The following AMBN variants were observed in gnomAD, a reference collection of about 807,000 sequenced individuals.
AMBN encodes the protein ameloblastin.
Under a neutral mutation model 48.0 loss-of-function variants are expected in AMBN, and 54 were observed. The ratio of observed to expected loss-of-function variants is 1.12; its 90% CI spans 0.90 to 1.41. The LOEUF (loss-of-function observed/expected upper bound fraction) is 1.41, where lower values mean the gene tolerates loss of function less well. AMBN is among the 40% of genes most tolerant of loss of function. The pLI, the probability that AMBN is intolerant of heterozygous loss-of-function variation, is 0.00. For missense variants in AMBN, 571 were observed against 547.3 expected (o/e 1.04, Z -0.43); for synonymous variants, 186 against 190.0 (o/e 0.98, Z 0.17).
intron 12 of AMBN, among the ~76,000 whole-genome samples, chr4:70,605,273 G>T (rs540888139): frequency 5.9e-5 from 9 of 152,202 alleles, no homozygotes; most frequent in South Asian, 2.1e-4. Context: ...GTGGCTGGAA[G>T]TTCAAAATTC....
intron 3 of AMBN, among the ~76,000 whole-genome samples, chr4:70,597,729 A>G (rs1007105294): frequency 8.5e-5 from 13 of 152,102 alleles, no homozygotes; most frequent in Non-Finnish European, 1.5e-4. Context: ...CGCTTATTTC[A>G]CATGGAAGCT....
chr4:70,597,011 C>A lies in AMBN; in HGVS notation c.97C>A (p.Gln33Lys). 6.2e-7 allele frequency: 1 copy of A among 1,613,344 alleles called. No individual in the cohort carries two copies. The highest frequency in any genetic ancestry group is 8.5e-7 in the Non-Finnish European group (1 of 1,179,518). ...TATTTTCATTCAGTTCTTTCCTCAGCAATCTGGAACACCGGGTATGGCTAG... is the reference window on the plus strand; with the variant it reads ...TATTTTCATTCAGTTCTTTCCTCAGAAATCTGGAACACCGGGTATGGCTAG... ...MSFAVPFFPQ[Q>K]SGTPGMASLS... The change falls in exon 3 of 13, where the codon CAA becomes AAA. Residue 33 changes from glutamine to lysine, a missense_variant. Gln to Lys is a moderately conservative substitution (Grantham distance 53). Coordinates refer to ENST00000322937, the MANE Select transcript of AMBN (RefSeq NM_016519.6).
chr4:70,599,755 A>G, intron 5 of AMBN, 109 bp downstream of exon 5: 1 of 688,436 alleles, frequency 1.5e-6, no homozygotes, highest in Non-Finnish European at 2.3e-6. Flanking sequence ...AGCATTAACA[A>G]AAAATTATTC....
intron 6 of AMBN, 32 bp from the exon 7 acceptor site, chr4:70,602,592 A>T: frequency 3.4e-6 from 5 of 1,485,138 alleles, no homozygotes; most frequent in Non-Finnish European, 4.5e-6. Context: ...TTATTTTTTG[A>T]CTGATAATTT....
At position 70,603,377 on chromosome 4, in the gene AMBN, G is replaced by T. The variant is rs780934616; in HGVS notation, c.709-39G>T. ...CAATTTACTTAAAAGTTTTTCCATTGGAAAATGCATTTTGTGATAATGATT... is the reference window on the plus strand; with the variant it reads ...CAATTTACTTAAAAGTTTTTCCATTTGAAAATGCATTTTGTGATAATGATT... On this transcript the variant is annotated intron_variant, in intron 10 of 12. Coordinates refer to ENST00000322937, the MANE Select transcript of AMBN (RefSeq NM_016519.6). 5.6e-6 allele frequency: 9 copies of T among 1,612,516 alleles called. No individual in the cohort carries two copies. In the Admixed American group the frequency reaches 6.7e-5, roughly 12 times the overall value.
intron 2 of AMBN, among the ~76,000 whole-genome samples, chr4:70,593,701 C>T (rs62323387): frequency 2.1e-3 from 324 of 152,112 alleles, no homozygotes; most frequent in Non-Finnish European, 3.5e-3. Flanking sequence ...CCTGTCTCTA[C>T]TAAAAATACA....
chr4:70,593,354 A>T lies in AMBN; in HGVS notation c.43A>T (p.Ile15Leu), dbSNP rs757334549. The change falls in exon 2 of 13, where the codon ATA (isoleucine) becomes TTA (leucine). Residue 15 changes from isoleucine (I) to leucine (L), a missense_variant. By Grantham distance (5) the Ile-to-Leu change is conservative (BLOSUM62 2). Transcript: ENST00000322937. ...KIPLFKMKDL[I>L]LILCLLEMSF... ...TCCACTTTTCAAAATGAAGGACCTG[A>T]TACTGATCCTATGCCTCCTGGAAAT... The T allele has an allele frequency of 4.3e-6, 7 of 1,612,472 alleles. No individual in the cohort carries two copies. The highest frequency in any genetic ancestry group is 5.1e-6 in the Non-Finnish European group (6 of 1,178,742).
rs1361060246 is a variant in AMBN at position 70,602,681 on chromosome 4, G to A, written c.570+19G>A. On this transcript the variant is annotated intron_variant, in intron 7 of 12. Transcript: ENST00000322937. ...TCCATCAGTAAGTACAGATCTCAAT[G>A]AGACACTTTCTGTATTTTATTTTTT... The A allele has an allele frequency of 6.4e-7, 1 of 1,554,004 alleles. No individual in the cohort carries two copies. The highest frequency in any genetic ancestry group is 1.8e-5 in the Admixed American group (1 of 54,168).
At position 70,593,410 on chromosome 4, in the gene AMBN, A is replaced by T. The variant is rs777127126; in HGVS notation, c.84+15A>T. 1 of 1,600,500 alleles carries T rather than the reference A, an allele frequency of 6.2e-7. No homozygotes were observed. The highest frequency in any genetic ancestry group is 1.1e-5 in the South Asian group (1 of 90,698). On this transcript the variant is annotated intron_variant, in intron 2 of 12. Coordinates refer to ENST00000322937, the MANE Select transcript of AMBN (RefSeq NM_016519.6). ...TTGCAGTGCCGGTAAGTCAGTCTTT[A>T]GAGTGTGTCCCAGAAAAGGTTATTG...
intron 2 of AMBN, among the ~76,000 whole-genome samples, chr4:70,593,992 A>G (rs772307532): frequency 1.6e-4 from 25 of 152,208 alleles, no homozygotes; most frequent in Non-Finnish European, 2.9e-4. Context: ...AGTCTCCACA[A>G]TGCATGGCGA....
rs951848124 is a variant in AMBN, at chr4:70,600,861, TCTTAA to T, written c.295-551_295-547del. On this transcript the variant is annotated intron_variant, in intron 5 of 12. Coordinates refer to ENST00000322937, the MANE Select transcript of AMBN (RefSeq NM_016519.6). ...ATAAATTATGTTAATGGTGACTGTT[TCTTAA>T]CTTAATTGTTTCCAAAGTGGACTCC... 1.2e-4 allele frequency among the ~76,000 whole-genome samples: 19 copies of T among 152,312 alleles called. 1 individual carries two copies. Among genetic ancestry groups the T allele is most frequent in the Admixed American group, 9.8e-4 (15 of 15,300 alleles).
In AMBN at chr4:70,602,810, G is replaced by T. The variant is rs1192746777; in HGVS notation, c.583G>T (p.Asp195Tyr). The part of the protein sequence containing the change: ...DPQGPSLPGM[D>Y]FPDPQGPSLP... Reference sequence around the variant, plus strand: ...ATCTACAATATAGCTCCCAGGAATGGATTTTCCTGATCCACAAGGTCCATC... The same window carrying T: ...ATCTACAATATAGCTCCCAGGAATGTATTTTCCTGATCCACAAGGTCCATC... The change falls in exon 8 of 13, where the codon GAT (aspartate) becomes TAT (tyrosine). Residue 195 changes from aspartate (D) to tyrosine (Y), a missense_variant. Transcript: ENST00000322937. 6.9e-6 allele frequency: 11 copies of T among 1,589,720 alleles called. No homozygotes were observed. Among genetic ancestry groups the T allele is most frequent in the South Asian group, 1.2e-5 (1 of 86,078 alleles).
At chr4:70,601,744 C>G in intron 6 of AMBN, 90 bp downstream of exon 6, 1 of 1,177,340 alleles carries the variant, frequency 8.5e-7, no homozygotes, top group African/African-American at 1.5e-5. Context: ...ATAATCGTAG[C>G]CTTCAGGCAT....
rs1341740895 is a variant in AMBN, at chr4:70,601,533, C to G, written c.410C>G (p.Ala137Gly). 1.9e-6 allele frequency: 3 copies of G among 1,614,182 alleles called. No individual in the cohort carries two copies. The highest frequency in any genetic ancestry group is 2.2e-5 in the South Asian group (2 of 91,082). Residue 137 changes from alanine to glycine, a missense_variant, in exon 6 of 13, where the codon GCC becomes GGC. Ala to Gly is a moderately conservative substitution (Grantham distance 60). Coordinates refer to ENST00000322937, the MANE Select transcript of AMBN (RefSeq NM_016519.6). ...LQSAAATTNQ[A>G]TALKEALQPP... ...TCTGCTGCTGCAACCACCAACCAGG[C>G]CACAGCACTGAAAGAAGCACTTCAG...
At position 70,606,826 on chromosome 4, in the gene AMBN, A is replaced by G; in HGVS notation, c.*96A>G. 1 of 1,348,030 alleles carries G rather than the reference A, an allele frequency of 7.4e-7. No individual in the cohort carries two copies. The highest frequency in any genetic ancestry group is 9.9e-7 in the Non-Finnish European group (1 of 1,006,544). The allele number at this position is 1,348,030 out of a possible 1,614,324, so 83.5% of individuals were successfully genotyped here. On this transcript the variant is annotated 3_prime_UTR_variant, in exon 13 of 13. Coordinates refer to ENST00000322937, the MANE Select transcript of AMBN (RefSeq NM_016519.6). ...GCTAAAACACTTATTACCCTTCTGC[A>G]GCAAAGGCATTAAAAGCGCTAAGCA... is the stretch of plus-strand genomic sequence containing the variant.
intron 11 of AMBN, among the ~76,000 whole-genome samples, 163 bp from the exon 12 acceptor site, chr4:70,603,714 G>C (rs1226633955): frequency 6.6e-6 from 1 of 152,022 alleles, no homozygotes; most frequent in East Asian, 1.9e-4. Context: ...TGAATTATCC[G>C]AGTTGACTAC....
At chr4:70,601,703 AG>A in intron 6 of AMBN, 49 bp downstream of exon 6, 1 of 1,554,462 alleles carries the variant, frequency 6.4e-7, no homozygotes, top group African/African-American at 1.4e-5. Context: ...CTAACCTAAT[AG>A]AAGAAAACGA....
chr4:70,601,324 T>G (rs1255936956), intron 5 of AMBN, 94 bp from the exon 6 acceptor site: 3 of 1,257,646 alleles, frequency 2.4e-6, no homozygotes, highest in South Asian at 2.8e-5. Flanking sequence ...CCCTTCCAGA[T>G]AGAAAGCGCC....
intron 2 of AMBN, among the ~76,000 whole-genome samples, 161 bp from the exon 3 acceptor site, chr4:70,596,838 C>T (rs1737393817): frequency 6.6e-6 from 1 of 152,208 alleles, no homozygotes; most frequent in African/African-American, 2.4e-5. Context: ...ATAACTTATG[C>T]TCTTCTTCAT....
Sources: gnomAD v4.1 joint callset for allele counts (sites outside exome capture counted in the v4.1 genomes callset) on GRCh38, gnomAD v4.1.1 for gene constraint, MANE v1.5 for transcripts, NCBI Gene and HGNC (gene_info 2026-07-23, HGNC 2026-07-21) for gene names.